ZDHHC15: variants seen among roughly 807,000 people sequenced by gnomAD.
ZDHHC15 encodes zDHHC palmitoyltransferase 15.
ZDHHC15 carries 19 observed loss-of-function variants against 31.7 expected under a neutral mutation model. The ratio of observed to expected loss-of-function variants is 0.60; its 90% CI spans 0.42 to 0.88. ZDHHC15 has a LOEUF of 0.88. Ranked by LOEUF, ZDHHC15 falls within the 40% of genes least tolerant of loss-of-function variation. The pLI is 0.00. For synonymous variants in ZDHHC15, 103 were observed against 90.0 expected (o/e 1.14, Z -0.82); for missense variants, 209 against 251.2 (o/e 0.83, Z 1.14).
intron 2 of ZDHHC15, among the ~76,000 whole-genome samples, chrX:75,480,033 T>G (rs2084665014): frequency 9.0e-6 from 1 of 111,353 alleles, no homozygotes; most frequent in African/African-American, 3.3e-5. Flanking sequence ...ACTGCAAGAC[T>G]GTGAGTCCTT....
chrX:75,418,235 A>G (rs1569319142), intron 9 of ZDHHC15, among the ~76,000 whole-genome samples: 2 of 111,862 alleles, frequency 1.8e-5, no homozygotes, highest in African/African-American at 3.3e-5. Context: ...CATCTCTGAA[A>G]TACATGAGTC....
intron 3 of ZDHHC15, among the ~76,000 whole-genome samples, chrX:75,459,896 ATGGAGTTTCACTCTTATTGCCCAGGC>A (rs2084284621): frequency 2.7e-5 from 3 of 111,465 alleles, no homozygotes; most frequent in African/African-American, 9.8e-5. Context: ...TTTTTTTGAG[ATGGAGTTTCACTCTTATTGCCCAGGC>A]TGGAGTGCAA....
At chrX:75,490,586 T>C (rs375155927) in intron 2 of ZDHHC15, among the ~76,000 whole-genome samples, 2 of 111,845 alleles carry the variant, frequency 1.8e-5, no homozygotes, top group East Asian at 5.6e-4. Flanking sequence ...TTGGGCAGTA[T>C]GGCAATTTTC....
chrX:75,452,961 G>T (rs1423844229), intron 3 of ZDHHC15, among the ~76,000 whole-genome samples: 1 of 111,311 alleles, frequency 9.0e-6, no homozygotes, highest in Non-Finnish European at 1.9e-5. Context: ...CCCTCATATT[G>T]CAATTAAAAG....
At chrX:75,486,966 C>A (rs1165349559) in intron 2 of ZDHHC15, among the ~76,000 whole-genome samples, 1 of 111,217 alleles carries the variant, frequency 9.0e-6, no homozygotes, top group Non-Finnish European at 1.9e-5. Context: ...CACCTATCAC[C>A]TGAAAAACGT....
intron 3 of ZDHHC15, among the ~76,000 whole-genome samples, chrX:75,478,023 T>A (rs1181584560): frequency 9.0e-6 from 1 of 111,609 alleles, no homozygotes; most frequent in Non-Finnish European, 1.9e-5. Context: ...TTTTTCCTAA[T>A]GTTCGGAGGC....
At chrX:75,513,650 G>A (rs2085311535) in intron 1 of ZDHHC15, among the ~76,000 whole-genome samples, 1 of 110,776 alleles carries the variant, frequency 9.0e-6, no homozygotes, top group Non-Finnish European at 1.9e-5. Context: ...CACATAACGG[G>A]GCTTCCAAAG....
intron 3 of ZDHHC15, among the ~76,000 whole-genome samples, chrX:75,471,011 G>GA (rs1271028826): frequency 8.9e-6 from 1 of 112,370 alleles, no homozygotes; most frequent in East Asian, 2.8e-4. Flanking sequence ...GGCCTGAACA[G>GA]AAAACAGATG....
In ZDHHC15 at chrX:75,455,618, T is replaced by C. The variant is rs779223052; in HGVS notation, c.259-4696A>G. Among the ~76,000 whole-genome samples, 12 of 111,764 alleles carry C rather than the reference T, an allele frequency of 1.1e-4. No homozygotes were observed. The Admixed American group carries it at 1.1e-3, about 11-fold the overall frequency. On this transcript the variant is annotated intron_variant, in intron 3 of 11. Coordinates refer to ENST00000373367, the MANE Select transcript of ZDHHC15 (RefSeq NM_144969.3). ...GGAGAAAATTTTTGCAATCTACTTA[T>C]CTGACAATGGGCTAATATCCAGAAT...
At chrX:75,394,883 A>G (rs1391862570) in intron 10 of ZDHHC15, among the ~76,000 whole-genome samples, 1 of 112,287 alleles carries the variant, frequency 8.9e-6, no homozygotes, top group African/African-American at 3.2e-5. Context: ...AAAAATATTT[A>G]CAGAACATTT....
At chrX:75,438,164 C>T (rs913350514) in intron 4 of ZDHHC15, among the ~76,000 whole-genome samples, 43 of 111,790 alleles carry the variant, frequency 3.8e-4, no homozygotes, top group Non-Finnish European at 6.2e-4. Flanking sequence ...AATAGGAACA[C>T]TTTTACACTG....
chrX:75,381,847 C>A (rs761328570), intron 10 of ZDHHC15, among the ~76,000 whole-genome samples: 1 of 111,370 alleles, frequency 9.0e-6, no homozygotes, highest in East Asian at 2.8e-4. Context: ...ATCTTCAAAA[C>A]TTTCACCAGA....
rs1310332019 is a variant in ZDHHC15, at chrX:75,421,051, T to C, written c.863+813A>G. 2.7e-5 allele frequency among the ~76,000 whole-genome samples: 3 copies of C among 109,427 alleles called. No homozygotes were observed. In the East Asian group the frequency reaches 8.6e-4, roughly 32 times the overall value. ...AGTATTAACCACAAAATATATAAAA[T>C]GGAGAAAATATAAATAATTTCTAAG... On this transcript the variant is annotated intron_variant, in intron 9 of 11. Transcript: ENST00000373367.
At chrX:75,464,902 G>T (rs1365643602) in intron 3 of ZDHHC15, among the ~76,000 whole-genome samples, 1 of 111,900 alleles carries the variant, frequency 8.9e-6, no homozygotes, top group East Asian at 2.8e-4. Flanking sequence ...CACAAGATAA[G>T]GATGCCCTCT....
intron 10 of ZDHHC15, among the ~76,000 whole-genome samples, chrX:75,390,836 C>T (rs1046918782): frequency 9.0e-6 from 1 of 111,525 alleles, no homozygotes; most frequent in Non-Finnish European, 1.9e-5. Flanking sequence ...AGTATCAAGA[C>T]CATCCAGGAA....
chrX:75,492,747 C>A (rs1602725552), intron 2 of ZDHHC15, among the ~76,000 whole-genome samples: 2 of 111,592 alleles, frequency 1.8e-5, no homozygotes, highest in African/African-American at 6.5e-5. Context: ...AACAAAGACA[C>A]AACATACCAG....
At chrX:75,396,285 A>T (rs1032639618) in intron 10 of ZDHHC15, among the ~76,000 whole-genome samples, 1 of 112,357 alleles carries the variant, frequency 8.9e-6, no homozygotes, top group Non-Finnish European at 1.9e-5. Context: ...TAAAGAGTTC[A>T]AACAATTCTA....
At chrX:75,374,229 C>T (rs1412637079) in intron 11 of ZDHHC15, among the ~76,000 whole-genome samples, 1 of 109,047 alleles carries the variant, frequency 9.2e-6, no homozygotes. Context: ...CGGGGCCTGT[C>T]GGGGGCTGGA....
intron 10 of ZDHHC15, among the ~76,000 whole-genome samples, chrX:75,416,388 C>T (rs768468217): frequency 2.9e-4 from 32 of 111,964 alleles, no homozygotes; most frequent in Non-Finnish European, 5.1e-4. Flanking sequence ...GGAACAGTAG[C>T]CAAAACTACT....
Sources: gnomAD v4.1 joint callset for allele counts (sites outside exome capture counted in the v4.1 genomes callset) on GRCh38, gnomAD v4.1.1 for gene constraint, MANE v1.5 for transcripts, NCBI Gene and HGNC (gene_info 2026-07-23, HGNC 2026-07-21) for gene names.